Variants in MKNK1 observed in about 807,000 individuals in gnomAD.
MKNK1 encodes MAPK interacting serine/threonine kinase 1, also known as MAP kinase-interacting serine/threonine-protein kinase 1.
In MKNK1, 30 loss-of-function variants were observed where a neutral mutation model predicts 49.3. The observed-to-expected ratio is 0.61, with a 90% CI of 0.46 to 0.83. The LOEUF is 0.83. Ranked by LOEUF, MKNK1 falls within the 40% of genes least tolerant of loss-of-function variation. The pLI is 0.00. For synonymous variants in MKNK1, 176 were observed against 201.7 expected (o/e 0.87, Z 1.08); for missense variants, 423 against 524.7 (o/e 0.81, Z 1.89).
intron 6 of MKNK1, 73 bp downstream of exon 6, chr1:46,574,874 C>A: frequency 9.6e-7 from 1 of 1,046,954 alleles, no homozygotes; most frequent in South Asian, 1.4e-5. Flanking sequence ...TTGGAAGTCT[C>A]TGGGATTCAT....
chr1:46,588,764 C>A (rs1355507251), intron 2 of MKNK1, among the ~76,000 whole-genome samples: 1 of 149,620 alleles, frequency 6.7e-6, no homozygotes, highest in East Asian at 2.0e-4. Context: ...GCCGAGATCG[C>A]GCCACTGCAC....
In MKNK1 at chr1:46,583,341, G is replaced by A; in HGVS notation, c.-2-12C>T. ...GCTACTGCCCATCTCTAGGAGATAA[G>A]AGGAGATGTAAGGGAAACATCACTG... is the stretch of plus-strand genomic sequence containing the variant. On this transcript the variant is annotated splice_polypyrimidine_tract_variant and intron_variant, in intron 2 of 12. Transcript: ENST00000371945. 1 of 1,599,680 alleles carries A rather than the reference G, an allele frequency of 6.3e-7. No homozygotes were observed. Among genetic ancestry groups the A allele is most frequent in the South Asian group, 1.1e-5 (1 of 90,614 alleles).
At chr1:46,582,860 C>G (rs1239736407) in intron 3 of MKNK1, 1 of 478,654 alleles carries the variant, frequency 2.1e-6, no homozygotes, top group Non-Finnish European at 4.1e-6. Context: ...GTGTTTCTCT[C>G]TTCCTCTTAT....
At chr1:46,564,126 C>CT (rs1446927953) in intron 9 of MKNK1, among the ~76,000 whole-genome samples, 2 of 149,052 alleles carry the variant, frequency 1.3e-5, no homozygotes, top group African/African-American at 2.5e-5. Flanking sequence ...TAATTATACT[C>CT]TATTAGTTAT....
At chr1:46,570,120 A>T (rs1669834763) in intron 7 of MKNK1, 2 of 152,166 alleles carry the variant, frequency 1.3e-5, no homozygotes, top group African/African-American at 4.8e-5. Flanking sequence ...CATCCCCTCC[A>T]ACTTCTAGTC....
chr1:46,560,329 G>C (rs747539633), intron 11 of MKNK1, 52 bp from the exon 12 acceptor site: 3 of 1,593,834 alleles, frequency 1.9e-6, no homozygotes, highest in Non-Finnish European at 2.6e-6. Context: ...CTCCTTTCAA[G>C]AACTGCCCCA....
intron 2 of MKNK1, among the ~76,000 whole-genome samples, chr1:46,590,773 A>T (rs1451645393): frequency 1.3e-5 from 2 of 152,270 alleles, no homozygotes; most frequent in Non-Finnish European, 2.9e-5. Flanking sequence ...TCAGGCCTCC[A>T]GTCACTCACT....
chr1:46,584,908 T>G (rs1368579166), intron 2 of MKNK1: 1 of 151,918 alleles, frequency 6.6e-6, no homozygotes, highest in African/African-American at 2.4e-5. Context: ...AGCCAAGAGC[T>G]TCAAACACAA....
Position 46,594,147 on chromosome 1 carries a change from C to T in MKNK1, c.-37G>A, listed in dbSNP as rs1459143610. ...TTTCCAACTTTTGAGAAGATACCAT[C>T]TGTAAACTTGAAATCCCAAATGAAA... On this transcript the variant is annotated 5_prime_UTR_variant, in exon 2 of 13. Coordinates refer to ENST00000371945, the MANE Select transcript of MKNK1 (RefSeq NM_001135553.4). 6.2e-7 allele frequency: 1 copy of T among 1,612,038 alleles called. No individual in the cohort carries two copies. The highest frequency in any genetic ancestry group is 8.5e-7 in the Non-Finnish European group (1 of 1,178,198).
At chr1:46,560,365 T>C (rs971819164) in intron 11 of MKNK1, 88 bp from the exon 12 acceptor site, 2 of 1,400,710 alleles carry the variant, frequency 1.4e-6, no homozygotes, top group Non-Finnish European at 2.0e-6. Flanking sequence ...GGTAGGTTAC[T>C]ATAGGCTGCT....
intron 7 of MKNK1, chr1:46,569,539 G>A (rs1176929975): frequency 1.3e-5 from 2 of 152,268 alleles, no homozygotes; most frequent in African/African-American, 4.8e-5. Flanking sequence ...GATTCTCGGG[G>A]TGATGGGAAA....
chr1:46,594,068 T>C (rs977200475), intron 2 of MKNK1, 45 bp downstream of exon 2: 2 of 1,462,588 alleles, frequency 1.4e-6, no homozygotes, highest in African/African-American at 1.4e-5. Flanking sequence ...TCATTTCAAT[T>C]TGAAGTAATC....
intron 2 of MKNK1, among the ~76,000 whole-genome samples, chr1:46,585,207 G>A (rs911308961): frequency 2.7e-5 from 3 of 111,688 alleles, no homozygotes; most frequent in Admixed American, 1.2e-4. Flanking sequence ...CCGAGATCAC[G>A]CCATTGCACT....
chr1:46,567,316 A>C (rs1328285363), intron 8 of MKNK1, among the ~76,000 whole-genome samples: 1 of 152,214 alleles, frequency 6.6e-6, no homozygotes, highest in African/African-American at 2.4e-5. Context: ...CCCAGGCTGG[A>C]GTGCAGTGGT....
intron 3 of MKNK1, among the ~76,000 whole-genome samples, chr1:46,581,856 G>A (rs1280930425): frequency 6.6e-6 from 1 of 152,126 alleles, no homozygotes; most frequent in African/African-American, 2.4e-5. Flanking sequence ...ACCTGCCCAA[G>A]CTCACAAAGA....
In MKNK1 at chr1:46,561,727, T is replaced by C. The variant is rs115053687; in HGVS notation, c.805-85A>G. 3.0e-3 allele frequency: 4,431 copies of C among 1,487,740 alleles called. 68 individuals carry two copies. The African/African-American group carries it at 0.041, about 14-fold the overall frequency. 92.2% of individuals were successfully genotyped at this position (1,487,740 alleles called of 1,614,324 possible). Reference sequence around the variant, plus strand: ...CATTGTTTTGATCAACCGGCTTCAATTGATCTCAGCTGTAGCTGCAGCTCA... The same window carrying C: ...CATTGTTTTGATCAACCGGCTTCAACTGATCTCAGCTGTAGCTGCAGCTCA... On this transcript the variant is annotated intron_variant, in intron 10 of 12. Transcript: ENST00000371945.
intron 9 of MKNK1, 70 bp from the exon 10 acceptor site, chr1:46,562,913 T>G: frequency 7.8e-7 from 1 of 1,290,094 alleles, no homozygotes; most frequent in Non-Finnish European, 1.1e-6. Context: ...GCAGAGGGGA[T>G]GGCAGAGAGC....
rs115397321 is a variant in MKNK1 at position 46,591,208 on chromosome 1, T to C, written c.-3+2905A>G. 2.9e-3 allele frequency among the ~76,000 whole-genome samples: 445 copies of C among 152,304 alleles called. 1 individual carries two copies. Among genetic ancestry groups the C allele is most frequent in the African/African-American group, 0.01 (431 of 41,574 alleles). On this transcript the variant is annotated intron_variant, in intron 2 of 12. Transcript: ENST00000371945. The stretch of plus-strand genomic sequence containing the variant: ...TAAAGTCAGCTCAATCAAAGGACCG[T>C]CTGTCCATAGCGATACTGCAAGGGG...
intron 1 of MKNK1, among the ~76,000 whole-genome samples, chr1:46,602,719 C>A (rs1420254078): frequency 6.6e-6 from 1 of 152,214 alleles, no homozygotes; most frequent in East Asian, 1.9e-4. Flanking sequence ...GGTTCTTCTT[C>A]TTCCAATGTG....
Sources: allele counts gnomAD v4.1 joint callset (sites outside exome capture counted in the v4.1 genomes callset), GRCh38; gene constraint gnomAD v4.1.1; transcripts MANE v1.5; gene names NCBI Gene and HGNC (gene_info 2026-07-23, HGNC 2026-07-21).